Variants in RBM20 observed in about 807,000 individuals in gnomAD.
RBM20 encodes RNA-binding protein 20.
A neutral mutation model predicts 110.1 loss-of-function variants in RBM20; 51 were observed. The observed-to-expected ratio is 0.46, with a 90% CI of 0.37 to 0.59. The LOEUF (loss-of-function observed/expected upper bound fraction) is 0.59. RBM20 is among the 20% of genes least tolerant of loss of function. The pLI is 0.00. For synonymous variants in RBM20, 589 were observed against 618.2 expected (o/e 0.95, Z 0.70); for missense variants, 1,512 against 1,574.9 (o/e 0.96, Z 0.68).
At chr10:110,663,791 T>C (rs775284688) in intron 1 of RBM20, among the ~76,000 whole-genome samples, 5 of 152,238 alleles carry the variant, frequency 3.3e-5, no homozygotes, top group Non-Finnish European at 7.3e-5. Flanking sequence ...AGTGTATATC[T>C]TACCGTCAAC....
intron 8 of RBM20, among the ~76,000 whole-genome samples, chr10:110,811,115 A>G (rs1013573161): frequency 2.0e-5 from 3 of 152,190 alleles, no homozygotes; most frequent in Non-Finnish European, 4.4e-5. Context: ...AAACTGCAGG[A>G]GCAGGCACCT....
At chr10:110,786,210 G>A (rs1844416939) in intron 5 of RBM20, among the ~76,000 whole-genome samples, 1 of 152,232 alleles carries the variant, frequency 6.6e-6, no homozygotes, top group South Asian at 2.1e-4. Flanking sequence ...GCATTTGTCT[G>A]AACCCTGCTG....
chr10:110,778,879 T>C (rs903554805), intron 1 of RBM20, among the ~76,000 whole-genome samples: 2 of 152,174 alleles, frequency 1.3e-5, no homozygotes, highest in African/African-American at 4.8e-5. Flanking sequence ...CCAACCAATA[T>C]AGGTCACATG....
intron 12 of RBM20, among the ~76,000 whole-genome samples, chr10:110,824,260 A>G (rs1844954484): frequency 6.6e-6 from 1 of 152,204 alleles, no homozygotes; most frequent in Non-Finnish European, 1.5e-5. Flanking sequence ...AGGAAAGCAG[A>G]TGCCCAGCAG....
At chr10:110,654,255 A>C (rs1256770999) in intron 1 of RBM20, among the ~76,000 whole-genome samples, 1 of 152,232 alleles carries the variant, frequency 6.6e-6, no homozygotes, top group African/African-American at 2.4e-5. Flanking sequence ...CACACAGTTT[A>C]TATCAAACAG....
In RBM20 at chr10:110,762,557, A is replaced by G. The variant is rs370502930; in HGVS notation, c.192-18244A>G. ...GTGTATGAGGGTTCCTTTTATTTCA[A>G]TAATCAAGCTCACATTCAGTGTATC... On this transcript the variant is annotated intron_variant, in intron 1 of 13. Coordinates refer to ENST00000369519, the MANE Select transcript of RBM20 (RefSeq NM_001134363.3). 3.9e-5 allele frequency among the ~76,000 whole-genome samples: 6 copies of G among 152,316 alleles called. No homozygotes were observed. The East Asian group carries it at 9.6e-4, about 24-fold the overall frequency.
rs1421102581 is a variant in RBM20 at position 110,783,213 on chromosome 10, AG to A, written c.1276-150del. Among the ~76,000 whole-genome samples the A allele has an allele frequency of 2.0e-5, 3 of 152,080 alleles. No homozygotes were observed. The East Asian group carries it at 5.8e-4, about 29-fold the overall frequency. ...GCAGGAACAGTGGGAGGAGCCTGGG[AG>A]GGAGAGAGGAAGGGTGGAGGGATGT... On this transcript the variant is annotated intron_variant, in intron 2 of 13. Transcript: ENST00000369519.
chr10:110,795,874 AACTGTGTT>A (rs1248040183), intron 5 of RBM20, among the ~76,000 whole-genome samples: 1 of 152,182 alleles, frequency 6.6e-6, no homozygotes, highest in African/African-American at 2.4e-5. Context: ...TTGGCTTCCA[AACTGTGTT>A]CCTTAGAGGT....
chr10:110,741,149 C>T (rs1843720866), intron 1 of RBM20, among the ~76,000 whole-genome samples: 1 of 152,146 alleles, frequency 6.6e-6, no homozygotes, highest in African/African-American at 2.4e-5. Context: ...CCATTCCCAC[C>T]AGCACATCCT....
At chr10:110,675,949 G>T (rs1862332355) in intron 1 of RBM20, among the ~76,000 whole-genome samples, 1 of 152,214 alleles carries the variant, frequency 6.6e-6, no homozygotes, top group Admixed American at 6.5e-5. Context: ...TATATGTAGG[G>T]TTATAATGCA....
chr10:110,796,187 C>T (rs1000465170), intron 5 of RBM20, among the ~76,000 whole-genome samples: 1 of 152,214 alleles, frequency 6.6e-6, no homozygotes, highest in South Asian at 2.1e-4. Context: ...TCTCATCTTA[C>T]TGCCTTCCCA....
chr10:110,810,808 T>TGTGTGTGC (rs1164919850), intron 8 of RBM20, among the ~76,000 whole-genome samples: 5 of 148,686 alleles, frequency 3.4e-5, no homozygotes, highest in African/African-American at 1.2e-4. Context: ...TGTGTGTGTG[T>TGTGTGTGC]GTGTGTGCGT....
intron 1 of RBM20, among the ~76,000 whole-genome samples, chr10:110,716,182 C>G (rs1292507021): frequency 6.6e-6 from 1 of 152,152 alleles, no homozygotes; most frequent in East Asian, 1.9e-4. Flanking sequence ...TTTCTCTTTC[C>G]TAGTAATGAG....
chr10:110,789,815 T>C (rs1159212267), intron 5 of RBM20, among the ~76,000 whole-genome samples: 2 of 152,170 alleles, frequency 1.3e-5, no homozygotes, highest in Admixed American at 6.5e-5. Context: ...GCTCCTGCCA[T>C]TTGAGGCCAG....
At chr10:110,686,837 G>A (rs1305082524) in intron 1 of RBM20, among the ~76,000 whole-genome samples, 1 of 151,852 alleles carries the variant, frequency 6.6e-6, no homozygotes, top group Non-Finnish European at 1.5e-5. Context: ...TCAGGAGTTC[G>A]AGACCAGCCT....
intron 1 of RBM20, among the ~76,000 whole-genome samples, chr10:110,708,657 T>C (rs913753838): frequency 6.6e-6 from 1 of 152,256 alleles, no homozygotes; most frequent in Non-Finnish European, 1.5e-5. Flanking sequence ...TGATTTTCAC[T>C]TTCTAAGTTT....
At chr10:110,758,534 C>G (rs555517283) in intron 1 of RBM20, among the ~76,000 whole-genome samples, 3 of 152,290 alleles carry the variant, frequency 2.0e-5, no homozygotes, top group East Asian at 3.9e-4. Context: ...GGTTCACTCT[C>G]TGTGAGGTGG....
Position 110,730,061 on chromosome 10 carries a change from A to G in RBM20, c.192-50740A>G, listed in dbSNP as rs142639548. On this transcript the variant is annotated intron_variant, in intron 1 of 13. Transcript: ENST00000369519. ...TCAAACTCCCAACCTCAGGTGATCC[A>G]CCCGCCTTGACCTCCCACAGTGCTG... Among the ~76,000 whole-genome samples, 432 of 151,886 alleles carry G rather than the reference A, an allele frequency of 2.8e-3. 6 individuals are homozygous for G. Among genetic ancestry groups the G allele is most frequent in the African/African-American group, 9.7e-3 (402 of 41,432 alleles).
chr10:110,705,326 T>G (rs1414459030), intron 1 of RBM20, among the ~76,000 whole-genome samples: 2 of 152,244 alleles, frequency 1.3e-5, no homozygotes, highest in Admixed American at 1.3e-4. Context: ...AATGAATGAT[T>G]GAAGAAGAAT....
Sources: allele counts gnomAD v4.1 joint callset (sites outside exome capture counted in the v4.1 genomes callset), GRCh38; gene constraint gnomAD v4.1.1; transcripts MANE v1.5; gene names NCBI Gene and HGNC (gene_info 2026-07-23, HGNC 2026-07-21).